Variants in TMED8 observed in about 807,000 individuals in gnomAD.
The protein encoded by TMED8 is protein TMED8.
In TMED8, 15 loss-of-function variants were observed where a neutral mutation model predicts 32.7. That is an observed-to-expected ratio of 0.46 (90% CI 0.31 to 0.71). The LOEUF (loss-of-function observed/expected upper bound fraction) is 0.71. Ranked by LOEUF, TMED8 falls within the 30% of genes least tolerant of loss-of-function variation. TMED8 has a pLI of 0.06. For missense variants in TMED8, 390 were observed against 423.9 expected, an observed-to-expected ratio of 0.92 and a Z score of 0.70; for synonymous variants, 147 against 161.4, an observed-to-expected ratio of 0.91 and a Z score of 0.68.
chr14:77,353,671 G>A (rs1442532785), intron 1 of TMED8, among the ~76,000 whole-genome samples: 2 of 151,188 alleles, frequency 1.3e-5, no homozygotes, highest in Non-Finnish European at 2.9e-5. Context: ...TGCCCAGGAA[G>A]GCTTGTCTTG....
At position 77,340,344 on chromosome 14, in the gene TMED8, G is replaced by C. The variant is rs1261972516; in HGVS notation, c.*1427C>G. 3 of 152,142 alleles carry C rather than the reference G, an allele frequency of 2.0e-5. No homozygotes were observed. Among genetic ancestry groups the C allele is most frequent in the African/African-American group, 7.2e-5 (3 of 41,418 alleles). 9.4% of individuals were successfully genotyped at this position (152,142 alleles called of 1,614,324 possible). ...TCAGAACAGATGGGAAGCCTTCTGA[G>C]AAACAGATGGAAACTGTTTCAAAGG... On this transcript the variant is annotated 3_prime_UTR_variant, in exon 6 of 6. Transcript: ENST00000216468.
At chr14:77,365,310 A>G (rs1893527966) in intron 1 of TMED8, among the ~76,000 whole-genome samples, 1 of 152,182 alleles carries the variant, frequency 6.6e-6, no homozygotes, top group African/African-American at 2.4e-5. Flanking sequence ...CCCTCAAGGA[A>G]CTCAGCCTAG....
At chr14:77,343,962 TTC>T in intron 3 of TMED8, 139 bp from the exon 4 acceptor site, 1 of 783,172 alleles carries the variant, frequency 1.3e-6, no homozygotes, top group South Asian at 3.3e-5. Flanking sequence ...TCAATGTTCC[TTC>T]TCTTTCTTCC....
chr14:77,341,688 C>A lies in TMED8; in HGVS notation c.*83G>T. 1 of 1,400,524 alleles carries A rather than the reference C, an allele frequency of 7.1e-7. No homozygotes were observed. Among genetic ancestry groups the A allele is most frequent in the Non-Finnish European group, 1.0e-6 (1 of 996,192 alleles). 86.8% of individuals were successfully genotyped at this position (1,400,524 alleles called of 1,614,324 possible). ...TCAGCAGCCCCCCATGAACCTTTGGCTCTTGCCTATCCCAAACAAGAGGCA... is the reference window on the plus strand; with the variant it reads ...TCAGCAGCCCCCCATGAACCTTTGGATCTTGCCTATCCCAAACAAGAGGCA... On this transcript the variant is annotated 3_prime_UTR_variant, in exon 6 of 6. Transcript: ENST00000216468.
In TMED8 at chr14:77,343,412, C is replaced by G. The variant is rs1892953431; in HGVS notation, c.526G>C (p.Gly176Arg). The G allele has an allele frequency of 6.2e-7, 1 of 1,613,968 alleles. No individual in the cohort carries two copies. Among genetic ancestry groups the G allele is most frequent in the Non-Finnish European group, 8.5e-7 (1 of 1,179,916 alleles). Reference sequence around the variant, plus strand: ...ACCAGACGGCTGTTCTTCTCTTTGCCCAGCTTGCTTTTGAATTCCTTCACC... The same window carrying G: ...ACCAGACGGCTGTTCTTCTCTTTGCGCAGCTTGCTTTTGAATTCCTTCACC... ...AKVKEFKSKL[G>R]KEKNSRLVVK... The change falls in exon 5 of 6, where the codon GGC becomes CGC. Residue 176 changes from glycine (G) to arginine (R), a missense_variant. Gly to Arg is a moderately radical substitution (Grantham distance 125). Transcript: ENST00000216468.
At chr14:77,349,884 C>T (rs1362510961) in intron 2 of TMED8, among the ~76,000 whole-genome samples, 1 of 152,190 alleles carries the variant, frequency 6.6e-6, no homozygotes, top group Non-Finnish European at 1.5e-5. Context: ...TCAACTCTTT[C>T]CACGAGAGAT....
intron 1 of TMED8, among the ~76,000 whole-genome samples, chr14:77,367,020 A>T (rs1860109613): frequency 6.6e-6 from 1 of 152,056 alleles, no homozygotes; most frequent in Non-Finnish European, 1.5e-5. Context: ...CGAGGCAGGC[A>T]GATGGCTTGA....
chr14:77,370,036 G>C (rs1459471923), intron 1 of TMED8, among the ~76,000 whole-genome samples: 1 of 152,060 alleles, frequency 6.6e-6, no homozygotes. Context: ...GCCGGGCGTG[G>C]TGGCACATGC....
chr14:77,376,677 C>T lies in TMED8; in HGVS notation c.118+259G>A, dbSNP rs1042351581. The T allele has an allele frequency of 9.1e-5, 26 of 285,284 alleles. No individual in the cohort carries two copies. Among genetic ancestry groups the T allele is most frequent in the African/African-American group, 5.1e-4 (23 of 45,386 alleles). 17.7% of individuals were successfully genotyped at this position (285,284 alleles called of 1,614,324 possible). A position where few individuals can be genotyped will look rare whatever the true frequency, so the allele number is the denominator to read the frequency against. ...GGCGCCAGGGGCAGAGCCACCCTGTCACTACCATTTGGGCAGATCTCAGAA... is the reference window on the plus strand; with the variant it reads ...GGCGCCAGGGGCAGAGCCACCCTGTTACTACCATTTGGGCAGATCTCAGAA... On this transcript the variant is annotated intron_variant, in intron 1 of 5. Transcript: ENST00000216468. This position sits in a 1 kb window ranked among gnomAD's most constrained non-coding sequence, Gnocchi z 4.0.
In TMED8 at chr14:77,343,305, A is replaced by T; in HGVS notation, c.633T>A (p.Asp211Glu). The change falls in exon 5 of 6, where the codon GAT becomes GAA. Residue 211 changes from aspartate to glutamate, a missense_variant. Asp to Glu is a conservative substitution (Grantham distance 45). Transcript: ENST00000216468. ...AAACTCCAAAGCCAATGTCATAGTC[A>T]TCGGTCGCAAACTCCCAGCAGACAC... Reference protein sequence around the residue: ...GKRVCWEFATDDYDIGFGVYF... With the variant: ...GKRVCWEFATEDYDIGFGVYF... The T allele has an allele frequency of 2.5e-6, 4 of 1,614,232 alleles. No homozygotes were observed. The highest frequency in any genetic ancestry group is 2.5e-6 in the Non-Finnish European group (3 of 1,180,044).
At chr14:77,371,135 A>C (rs2139638046) in intron 1 of TMED8, among the ~76,000 whole-genome samples, 1 of 152,338 alleles carries the variant, frequency 6.6e-6, no homozygotes, top group South Asian at 2.1e-4. Context: ...ATGCCATAAT[A>C]ACCTTGTATC....
At chr14:77,343,919 T>G in intron 3 of TMED8, 96 bp from the exon 4 acceptor site, 14 of 1,296,892 alleles carry the variant, frequency 1.1e-5, no homozygotes, top group Non-Finnish European at 1.5e-5. Context: ...CTCTATTATC[T>G]CCACTATCCC....
In TMED8 at chr14:77,355,134, C is replaced by CA. The variant is rs1054474134; in HGVS notation, c.119-3384dup. On this transcript the variant is annotated intron_variant, in intron 1 of 5. Coordinates refer to ENST00000216468, the MANE Select transcript of TMED8 (RefSeq NM_213601.3). ...AAATACATTTATACATATATGCATA[C>CA]AAATACAAATGTATATGTATTGTGT... is the stretch of plus-strand genomic sequence containing the variant. 2.2e-5 allele frequency among the ~76,000 whole-genome samples: 3 copies of CA among 138,738 alleles called. No homozygotes were observed. In the Admixed American group the frequency reaches 2.5e-4, roughly 11 times the overall value. The allele number at this position is 138,738 out of a possible 152,430, so 91.0% of individuals were successfully genotyped here. A position where few individuals can be genotyped will look rare whatever the true frequency, so the allele number is the denominator to read the frequency against.
intron 1 of TMED8, among the ~76,000 whole-genome samples, chr14:77,364,449 C>T (rs189454114): frequency 4.6e-5 from 7 of 152,182 alleles, no homozygotes; most frequent in East Asian, 3.9e-4. Flanking sequence ...TTCCCTATGA[C>T]GCCCAGGCTG....
intron 1 of TMED8, among the ~76,000 whole-genome samples, chr14:77,358,569 T>C (rs1893354011): frequency 6.6e-6 from 1 of 152,214 alleles, no homozygotes; most frequent in Non-Finnish European, 1.5e-5. Flanking sequence ...AGTCCTGGGA[T>C]TACAGGCGTG....
rs11282388 is a variant in TMED8, at chr14:77,339,986, A to ATGAAGGAG, written c.*1784_*1785insCTCCTTCA. ...GACCCTTGGTGTGAGGAATCTAACAATGAGTCAAAGGAAACATCACAAAGA... is the reference window on the plus strand; with the variant it reads ...GACCCTTGGTGTGAGGAATCTAACAATGAAGGAGTGAGTCAAAGGAAACATCACAAAGA... On this transcript the variant is annotated 3_prime_UTR_variant, in exon 6 of 6. Transcript: ENST00000216468. 127,841 of 151,572 alleles carry ATGAAGGAG rather than the reference A, an allele frequency of 0.84. 54,168 individuals are homozygous for ATGAAGGAG. The highest frequency in any genetic ancestry group is 0.95 in the East Asian group (4,911 of 5,148). 9.4% of individuals were successfully genotyped at this position (151,572 alleles called of 1,614,324 possible). A position where few individuals can be genotyped will look rare whatever the true frequency, so the allele number is the denominator to read the frequency against.
At chr14:77,346,324 G>A (rs758016160) in intron 3 of TMED8, 25 bp downstream of exon 3, 2 of 1,611,628 alleles carry the variant, frequency 1.2e-6, no homozygotes, top group South Asian at 2.2e-5. Flanking sequence ...CCTTTCATAA[G>A]AAAGAGCCAG....
chr14:77,362,842 CAAAAT>C (rs1389466791), intron 1 of TMED8, among the ~76,000 whole-genome samples: 10 of 152,118 alleles, frequency 6.6e-5, no homozygotes, highest in Admixed American at 5.9e-4. Context: ...TGTACTTAGA[CAAAAT>C]AAAGTCTAAA....
chr14:77,343,926 T>C, intron 3 of TMED8, 103 bp from the exon 4 acceptor site: 1 of 1,238,648 alleles, frequency 8.1e-7, no homozygotes, highest in Non-Finnish European at 1.1e-6. Flanking sequence ...ATCTCCACTA[T>C]CCCCACTCAA....
Sources: allele counts gnomAD v4.1 joint callset (sites outside exome capture counted in the v4.1 genomes callset), GRCh38; gene constraint gnomAD v4.1.1; non-coding constraint Gnocchi (gnomAD v3.1); transcripts MANE v1.5; gene names NCBI Gene and HGNC (gene_info 2026-07-23, HGNC 2026-07-21).